SEPTIN11: variants seen among roughly 807,000 people sequenced by gnomAD.
SEPTIN11 encodes the protein septin-11.
A neutral mutation model predicts 51.4 loss-of-function variants in SEPTIN11; 25 were observed. The ratio of observed to expected loss-of-function variants is 0.49; its 90% CI spans 0.35 to 0.68. The LOEUF (loss-of-function observed/expected upper bound fraction) is 0.68, where lower values mean the gene tolerates loss of function less well. Ranked by LOEUF, SEPTIN11 falls within the 30% of genes least tolerant of loss-of-function variation. The probability of loss-of-function intolerance (pLI) is 0.00; values close to 1 mark genes in which losing one functional copy is unlikely to be tolerated. For missense variants in SEPTIN11, 381 were observed against 520.8 expected, an observed-to-expected ratio of 0.73 and a Z score of 2.61; for synonymous variants, 174 against 184.1, an observed-to-expected ratio of 0.95 and a Z score of 0.44.
chr4:77,038,705 A>C (rs905284146), downstream of SEPTIN11: 7 of 966,650 alleles, frequency 7.2e-6, no homozygotes, highest in African/African-American at 1.1e-4. Flanking sequence ...TAGGGATAAG[A>C]GTCTCATGCT....
In SEPTIN11 at chr4:76,972,935, A is replaced by G. The variant is rs576488032; in HGVS notation, c.27+23005A>G. ...ATGAGAAAACAGGCTCAGAAAGGCT[A>G]ATTAACACTCCCAAAGTCCACAGCT... On this transcript the variant is annotated intron_variant, in intron 1 of 9. Coordinates refer to ENST00000264893, the MANE Select transcript of SEPTIN11 (RefSeq NM_018243.4). 1.8e-3 allele frequency: 272 copies of G among 152,338 alleles called. 3 individuals are homozygous for G. Among genetic ancestry groups the G allele is most frequent in the African/African-American group, 6.1e-3 (254 of 41,570 alleles). 9.4% of individuals were successfully genotyped at this position (152,338 alleles called of 1,614,324 possible). A position where few individuals can be genotyped will look rare whatever the true frequency, so the allele number is the denominator to read the frequency against.
In SEPTIN11 at chr4:77,036,649, G is replaced by A. The variant is rs1727043876; in HGVS notation, c.*2137G>A. On this transcript the variant is annotated 3_prime_UTR_variant, in exon 10 of 10. Coordinates refer to ENST00000264893, the MANE Select transcript of SEPTIN11 (RefSeq NM_018243.4). ...AAAAAGTCAAAAGAAACAAATAGAA[G>A]CTTTTTTTTTTAAAAAATGTATTGC... 3 of 1,488,472 alleles carry A rather than the reference G, an allele frequency of 2.0e-6. No homozygotes were observed. The highest frequency in any genetic ancestry group is 5.2e-5 in the Admixed American group (2 of 38,552). 92.2% of individuals were successfully genotyped at this position (1,488,472 alleles called of 1,614,324 possible).
chr4:76,961,844 T>A (rs1000239347), intron 1 of SEPTIN11, among the ~76,000 whole-genome samples: 3 of 152,240 alleles, frequency 2.0e-5, no homozygotes, highest in Admixed American at 2.0e-4. Context: ...GAGCTGCACA[T>A]GCATTTCTGC....
chr4:76,985,797 C>T (rs950558747), intron 1 of SEPTIN11, among the ~76,000 whole-genome samples: 2 of 152,192 alleles, frequency 1.3e-5, no homozygotes, highest in African/African-American at 4.8e-5. Flanking sequence ...GTACCTGTTT[C>T]CTTATCTGAA....
In SEPTIN11 at chr4:76,980,159, T is replaced by C. The variant is rs114389178; in HGVS notation, c.28-16266T>C. Among the ~76,000 whole-genome samples, 566 of 152,330 alleles carry C rather than the reference T, an allele frequency of 3.7e-3. 4 individuals are homozygous for C. Among genetic ancestry groups the C allele is most frequent in the African/African-American group, 0.013 (534 of 41,572 alleles). On this transcript the variant is annotated intron_variant, in intron 1 of 9. Coordinates refer to ENST00000264893, the MANE Select transcript of SEPTIN11 (RefSeq NM_018243.4). Reference sequence around the variant, plus strand: ...TCTCTGGGTATTTTAACCTTCATCATATAGGTACTCCCAGCAACTTTAAAC... The same window carrying C: ...TCTCTGGGTATTTTAACCTTCATCACATAGGTACTCCCAGCAACTTTAAAC...
At chr4:77,014,786 C>G (rs141833000) in intron 4 of SEPTIN11, 70 bp from the exon 5 acceptor site, 2 of 1,478,198 alleles carry the variant, frequency 1.4e-6, no homozygotes, top group Non-Finnish European at 1.9e-6. Flanking sequence ...TATTTGTTTG[C>G]TATGTTTTAT....
rs1725411377 is a variant in SEPTIN11 at position 77,017,887 on chromosome 4, C to T, written c.688-1278C>T. ...AAGAGTCAGTTGTCTTGGACACCAT[C>T]TCTACTTCAGATAAATCTGGGTGCA... On this transcript the variant is annotated intron_variant, in intron 5 of 9. Coordinates refer to ENST00000264893, the MANE Select transcript of SEPTIN11 (RefSeq NM_018243.4). 2.0e-5 allele frequency among the ~76,000 whole-genome samples: 3 copies of T among 152,198 alleles called. No homozygotes were observed. In the South Asian group the frequency reaches 6.2e-4, roughly 31 times the overall value.
intron 1 of SEPTIN11, among the ~76,000 whole-genome samples, chr4:76,971,395 TC>T (rs760219228): frequency 6.6e-6 from 1 of 152,004 alleles, no homozygotes; most frequent in Non-Finnish European, 1.5e-5. Context: ...CCAATGTTTA[TC>T]CCACTATTCC....
intron 1 of SEPTIN11, among the ~76,000 whole-genome samples, chr4:76,978,081 A>T (rs767945733): frequency 2.1e-4 from 32 of 152,310 alleles, no homozygotes; most frequent in African/African-American, 6.7e-4. Flanking sequence ...AGGAGACTTG[A>T]TAATCCTTGC....
At position 76,990,226 on chromosome 4, in the gene SEPTIN11, C is replaced by T. The variant is rs189023815; in HGVS notation, c.28-6199C>T. ...ACAGAGTGCTGATTGGTGCATTTTACAATCCTTTTGCTACAGAGTACTGAT... is the reference window on the plus strand; with the variant it reads ...ACAGAGTGCTGATTGGTGCATTTTATAATCCTTTTGCTACAGAGTACTGAT... On this transcript the variant is annotated intron_variant, in intron 1 of 9. Coordinates refer to ENST00000264893, the MANE Select transcript of SEPTIN11 (RefSeq NM_018243.4). Among the ~76,000 whole-genome samples the T allele has an allele frequency of 1.6e-3, 244 of 152,242 alleles. 5 individuals are homozygous for T. The South Asian group carries it at 0.032, about 20-fold the overall frequency.
intron 2 of SEPTIN11, among the ~76,000 whole-genome samples, chr4:77,004,663 G>A (rs1724353113): frequency 6.6e-6 from 1 of 152,114 alleles, no homozygotes; most frequent in Admixed American, 6.6e-5. Context: ...TAGTACTAGG[G>A]TTTAAATGAG....
chr4:76,956,904 T>C (rs936408190), intron 1 of SEPTIN11, among the ~76,000 whole-genome samples: 4 of 152,020 alleles, frequency 2.6e-5, no homozygotes, highest in Non-Finnish European at 4.4e-5. Context: ...TCCCTGTCTG[T>C]AAGGATTTTT....
chr4:76,996,804 A>G (rs1200910307), intron 2 of SEPTIN11, among the ~76,000 whole-genome samples: 1 of 152,052 alleles, frequency 6.6e-6, no homozygotes, highest in Non-Finnish European at 1.5e-5. Flanking sequence ...GATCATTACA[A>G]TATTGTTAAG....
Position 77,036,968 on chromosome 4 carries a change from T to TA in SEPTIN11, c.*2464dup, listed in dbSNP as rs1432404590. The TA allele has an allele frequency of 2.1e-3, 2,508 of 1,186,128 alleles. No individual in the cohort carries two copies. Among genetic ancestry groups the TA allele is most frequent in the East Asian group, 7.9e-3 (215 of 27,354 alleles). The allele number at this position is 1,186,128 out of a possible 1,614,324, so 73.5% of individuals were successfully genotyped here. On this transcript the variant is annotated 3_prime_UTR_variant, in exon 10 of 10. Transcript: ENST00000264893. ...GGTAATGGTTTGAGTAGCCTTTGTT[T>TA]AAAAAAAAGACTAAATATATTTAAA...
intron 9 of SEPTIN11, among the ~76,000 whole-genome samples, chr4:77,033,869 C>G (rs1172478888): frequency 2.6e-5 from 4 of 152,064 alleles, no homozygotes; most frequent in Non-Finnish European, 4.4e-5. Context: ...TTGCAGTTGC[C>G]TAAAATTAGA....
At chr4:76,975,261 T>C (rs1458236170) in intron 1 of SEPTIN11, among the ~76,000 whole-genome samples, 3 of 152,064 alleles carry the variant, frequency 2.0e-5, no homozygotes, top group Non-Finnish European at 4.4e-5. Flanking sequence ...GCGGACAACA[T>C]AGAACGTGGT....
In SEPTIN11 at chr4:76,990,160, G is replaced by A. The variant is rs559440976; in HGVS notation, c.28-6265G>A. 7.2e-5 allele frequency among the ~76,000 whole-genome samples: 11 copies of A among 152,090 alleles called. No individual in the cohort carries two copies. In the South Asian group the frequency reaches 8.3e-4, roughly 11 times the overall value. The stretch of plus-strand genomic sequence containing the variant: ...GAGTGCCCTTTTTTCAATCCTCCCC[G>A]CGATTGGCTACTTTTAGACTCCTCC... On this transcript the variant is annotated intron_variant, in intron 1 of 9. Coordinates refer to ENST00000264893, the MANE Select transcript of SEPTIN11 (RefSeq NM_018243.4).
chr4:77,028,320 T>G (rs1410499221), intron 7 of SEPTIN11, among the ~76,000 whole-genome samples: 4 of 152,180 alleles, frequency 2.6e-5, no homozygotes, highest in African/African-American at 9.7e-5. Context: ...TCTTCTCAAA[T>G]TCTATACCAC....
intron 2 of SEPTIN11, among the ~76,000 whole-genome samples, chr4:77,000,389 A>T (rs959452371): frequency 2.0e-5 from 3 of 152,252 alleles, no homozygotes; most frequent in Admixed American, 6.5e-5. Flanking sequence ...AAAACGAATG[A>T]AGATAAAATT....
Sources: allele counts gnomAD v4.1 joint callset (sites outside exome capture counted in the v4.1 genomes callset), GRCh38; gene constraint gnomAD v4.1.1; transcripts MANE v1.5; gene names NCBI Gene and HGNC (gene_info 2026-07-23, HGNC 2026-07-21).